The following FGF14 variants were observed in gnomAD, a reference collection of about 807,000 sequenced individuals.
FGF14 encodes fibroblast growth factor homologous factor 4.
In FGF14, 5 loss-of-function variants were observed where a neutral mutation model predicts 25.5. That is an observed-to-expected ratio of 0.20 (90% CI 0.10 to 0.41). The LOEUF (loss-of-function observed/expected upper bound fraction) is 0.41, where lower values mean the gene tolerates loss of function less well. FGF14 is among the 10% of genes least tolerant of loss of function. The pLI is 1.00. For missense variants in FGF14, 222 were observed against 320.1 expected, an observed-to-expected ratio of 0.69 and a Z score of 2.34; for synonymous variants, 138 against 118.3, an observed-to-expected ratio of 1.17 and a Z score of -1.08.
intron 1 of FGF14, among the ~76,000 whole-genome samples, chr13:102,264,275 T>G (rs2052869453): frequency 1.3e-5 from 2 of 152,126 alleles, no homozygotes; most frequent in Non-Finnish European, 1.5e-5. Flanking sequence ...AATGCAGTGC[T>G]GAACACTGAC....
chr13:101,715,315 G>T lies in FGF14; in HGVS notation c.*7516C>A. On this transcript the variant is annotated 3_prime_UTR_variant, in exon 5 of 5. Coordinates refer to ENST00000376143, the MANE Select transcript of FGF14 (RefSeq NM_004115.4). ...AAAATTGTCACCTAAAAGCCTAGCT[G>T]GAGTGATACAGGATGGTGACTATCT... 2.4e-6 allele frequency: 1 copy of T among 422,084 alleles called. No homozygotes were observed. Among genetic ancestry groups the T allele is most frequent in the Non-Finnish European group, 4.3e-6 (1 of 233,922 alleles). The allele number at this position is 422,084 out of a possible 1,614,324, so 26.1% of individuals were successfully genotyped here. A position where few individuals can be genotyped will look rare whatever the true frequency, so the allele number is the denominator to read the frequency against.
chr13:101,829,538 CAGCT>C (rs2042568675), intron 3 of FGF14, among the ~76,000 whole-genome samples: 1 of 151,974 alleles, frequency 6.6e-6, no homozygotes, highest in Non-Finnish European at 1.5e-5. Flanking sequence ...GTTCACTCTT[CAGCT>C]ATTCCGGAGG....
intron 1 of FGF14, among the ~76,000 whole-genome samples, chr13:102,011,411 G>A (rs1270481816): frequency 6.6e-6 from 1 of 152,152 alleles, no homozygotes; most frequent in Non-Finnish European, 1.5e-5. Flanking sequence ...ATTCATAGCT[G>A]AGAGCATAGA....
intron 1 of FGF14, among the ~76,000 whole-genome samples, chr13:102,202,544 C>T (rs894568880): frequency 1.4e-4 from 22 of 152,214 alleles, no homozygotes; most frequent in African/African-American, 2.2e-4. Context: ...ATTCAGTTTA[C>T]GCCAGATGAT....
chr13:101,716,309 C>T lies in FGF14; in HGVS notation c.*6522G>A, dbSNP rs1441890204. 1.3e-5 allele frequency: 2 copies of T among 152,132 alleles called. No individual in the cohort carries two copies. Among genetic ancestry groups the T allele is most frequent in the African/African-American group, 4.8e-5 (2 of 41,432 alleles). 9.4% of individuals were successfully genotyped at this position (152,132 alleles called of 1,614,324 possible). A position where few individuals can be genotyped will look rare whatever the true frequency, so the allele number is the denominator to read the frequency against. ...CAAGGGCAAAAACTGGTCATTAAGT[C>T]ATCTGACATTAAATCATTTAGCCAC... On this transcript the variant is annotated 3_prime_UTR_variant, in exon 5 of 5. Coordinates refer to ENST00000376143, the MANE Select transcript of FGF14 (RefSeq NM_004115.4).
chr13:102,041,704 T>C (rs1364221867), intron 1 of FGF14, among the ~76,000 whole-genome samples: 1 of 152,134 alleles, frequency 6.6e-6, no homozygotes, highest in Non-Finnish European at 1.5e-5. Flanking sequence ...TGTCTTTCAC[T>C]GTAAAAGACA....
intron 1 of FGF14, among the ~76,000 whole-genome samples, chr13:102,023,510 C>A (rs561167683): frequency 1.3e-5 from 2 of 152,044 alleles, no homozygotes; most frequent in African/African-American, 4.8e-5. Flanking sequence ...TTAGTATATT[C>A]TTGTGGTTGT....
intron 1 of FGF14, among the ~76,000 whole-genome samples, chr13:102,164,952 A>G (rs921039095): frequency 6.6e-6 from 1 of 152,178 alleles, no homozygotes. Context: ...AGTATTAGCA[A>G]GAAGGGAGAA....
intron 1 of FGF14, among the ~76,000 whole-genome samples, chr13:102,305,175 A>G (rs1035623637): frequency 1.3e-5 from 2 of 152,106 alleles, no homozygotes; most frequent in Non-Finnish European, 2.9e-5. Flanking sequence ...TACAAAGCTT[A>G]GAGTTTTTAT....
intron 1 of FGF14, among the ~76,000 whole-genome samples, chr13:102,301,735 C>T (rs1294210737): frequency 6.6e-6 from 1 of 151,424 alleles, no homozygotes. Context: ...TGACGACTAA[C>T]CTCAAGTGCG....
intron 3 of FGF14, among the ~76,000 whole-genome samples, chr13:101,851,667 C>T (rs544405416): frequency 6.6e-6 from 1 of 152,236 alleles, no homozygotes; most frequent in African/African-American, 2.4e-5. Context: ...GCTCGCCTTT[C>T]TCTCCTCCTC....
chr13:102,225,277 C>G (rs892180672), intron 1 of FGF14, among the ~76,000 whole-genome samples: 3 of 152,060 alleles, frequency 2.0e-5, no homozygotes, highest in Non-Finnish European at 2.9e-5. Context: ...AATCTTTCTT[C>G]AACCCTGACT....
At chr13:101,871,215 G>A (rs576458892) in intron 2 of FGF14, among the ~76,000 whole-genome samples, 2 of 152,188 alleles carry the variant, frequency 1.3e-5, no homozygotes, top group Admixed American at 1.3e-4. Context: ...AGGGGAGTAA[G>A]AATAATGGAG....
At chr13:102,308,840 T>A (rs935526697) in intron 1 of FGF14, among the ~76,000 whole-genome samples, 2 of 146,032 alleles carry the variant, frequency 1.4e-5, no homozygotes, top group Non-Finnish European at 3.0e-5. Context: ...GTACCTGGGG[T>A]GTTATTGGGG....
intron 1 of FGF14, among the ~76,000 whole-genome samples, chr13:102,190,238 T>C (rs961964431): frequency 1.3e-5 from 2 of 152,192 alleles, no homozygotes; most frequent in Admixed American, 6.5e-5. Flanking sequence ...AACTAATAAC[T>C]GTGATCAGGG....
At chr13:102,067,775 T>C (rs1595162263) in intron 1 of FGF14, among the ~76,000 whole-genome samples, 1 of 151,938 alleles carries the variant, frequency 6.6e-6, no homozygotes, top group Non-Finnish European at 1.5e-5. Flanking sequence ...ATCTCAAACC[T>C]AGAAAAAGTT....
At chr13:101,763,341 C>A (rs1310798118) in intron 3 of FGF14, among the ~76,000 whole-genome samples, 2 of 152,174 alleles carry the variant, frequency 1.3e-5, no homozygotes, top group Non-Finnish European at 2.9e-5. Flanking sequence ...TCTCAGGTGG[C>A]TGGAATGTAC....
At chr13:101,927,426 T>G (rs141371758) in intron 1 of FGF14, among the ~76,000 whole-genome samples, 1 of 152,206 alleles carries the variant, frequency 6.6e-6, no homozygotes, top group South Asian at 2.1e-4. Context: ...TTGTGTTCAT[T>G]TCTCCATGAA....
chr13:101,981,607 G>A (rs1039196967), intron 1 of FGF14, among the ~76,000 whole-genome samples: 4 of 151,274 alleles, frequency 2.6e-5, no homozygotes, highest in Admixed American at 6.6e-5. Context: ...AGAAAGATCA[G>A]AAGATGAAAC....
Sources: gnomAD v4.1 joint callset for allele counts (sites outside exome capture counted in the v4.1 genomes callset) on GRCh38, gnomAD v4.1.1 for gene constraint, MANE v1.5 for transcripts, NCBI Gene and HGNC (gene_info 2026-07-23, HGNC 2026-07-21) for gene names.